RBMS1: variants seen among roughly 807,000 people sequenced by gnomAD.
RBMS1 encodes RNA binding motif single stranded interacting protein 1.
In RBMS1, 17 loss-of-function variants were observed where a neutral mutation model predicts 62.3. The observed-to-expected ratio is 0.27, with a 90% CI of 0.19 to 0.41. RBMS1 has a LOEUF of 0.41. Among genes scored for constraint, RBMS1 ranks in the 10% least tolerant of loss-of-function variants. The pLI, the probability that RBMS1 is intolerant of heterozygous loss-of-function variation, is 1.00. For synonymous variants in RBMS1, 172 were observed against 170.0 expected (o/e 1.01, Z -0.09); for missense variants, 334 against 504.5 (o/e 0.66, Z 3.24).
chr2:160,320,480 A>T (rs556484356), intron 2 of RBMS1, among the ~76,000 whole-genome samples: 1 of 152,248 alleles, frequency 6.6e-6, no homozygotes, highest in African/African-American at 2.4e-5. Flanking sequence ...CTCAAAACAA[A>T]ACAAAAACTC....
intron 2 of RBMS1, among the ~76,000 whole-genome samples, chr2:160,346,407 G>C (rs2106000325): frequency 6.6e-6 from 1 of 152,140 alleles, no homozygotes; most frequent in South Asian, 2.1e-4. Context: ...TTTCTAAGGA[G>C]GGATTTTGTT....
intron 1 of RBMS1, chr2:160,407,356 G>T: frequency 1.0e-6 from 1 of 985,592 alleles, no homozygotes; most frequent in Non-Finnish European, 1.2e-6. Flanking sequence ...GGGAAACAAG[G>T]TCACCGCCCA....
chr2:160,436,055 C>A (rs1324808522), intron 1 of RBMS1, among the ~76,000 whole-genome samples: 1 of 152,176 alleles, frequency 6.6e-6, no homozygotes, highest in African/African-American at 2.4e-5. Flanking sequence ...AGTTTAACTG[C>A]TACAATGGTC....
chr2:160,370,904 AAC>A (rs1196217327), intron 1 of RBMS1, among the ~76,000 whole-genome samples: 6 of 152,354 alleles, frequency 3.9e-5, no homozygotes, highest in Non-Finnish European at 4.4e-5. Context: ...TGACTTAATT[AAC>A]ACACAGTCTG....
At chr2:160,338,309 T>C (rs1481141023) in intron 2 of RBMS1, among the ~76,000 whole-genome samples, 4 of 152,204 alleles carry the variant, frequency 2.6e-5, no homozygotes, top group Non-Finnish European at 5.9e-5. Flanking sequence ...CAAATCTTTA[T>C]AAAATATGTA....
chr2:160,392,633 G>A (rs1255282377), intron 1 of RBMS1, among the ~76,000 whole-genome samples: 1 of 152,064 alleles, frequency 6.6e-6, no homozygotes, highest in African/African-American at 2.4e-5. Context: ...AAGAGGAAGG[G>A]CATTCTAGCA....
rs116786499 is a variant in RBMS1 at position 160,366,441 on chromosome 2, G to A, written c.251+775C>T. ...TTGTCTTAGGATAAATAAAAAGTAC[G>A]CTTATATGTGTAGGCTTTTCTAGCT... On this transcript the variant is annotated intron_variant, in intron 2 of 13. Transcript: ENST00000348849. 2.5e-3 allele frequency among the ~76,000 whole-genome samples: 385 copies of A among 152,226 alleles called. 1 individual carries two copies. Among genetic ancestry groups the A allele is most frequent in the Admixed American group, 4.1e-3 (62 of 15,294 alleles).
chr2:160,385,468 G>A lies in RBMS1; in HGVS notation c.76-18077C>T, dbSNP rs113636700. The stretch of plus-strand genomic sequence containing the variant: ...AAGTAACAGGCAGGTGAAGCTGGGA[G>A]AGCCACTTCCCCAGAAGAGGTCCCT... On this transcript the variant is annotated intron_variant, in intron 1 of 13. Coordinates refer to ENST00000348849, the MANE Select transcript of RBMS1 (RefSeq NM_016836.4). Among the ~76,000 whole-genome samples, 770 of 152,318 alleles carry A rather than the reference G, an allele frequency of 5.1e-3. 6 individuals carry two copies. The highest frequency in any genetic ancestry group is 0.018 in the African/African-American group (728 of 41,558).
At chr2:160,327,822 TCAAA>T (rs1287405627) in intron 2 of RBMS1, among the ~76,000 whole-genome samples, 1 of 152,166 alleles carries the variant, frequency 6.6e-6, no homozygotes, top group African/African-American at 2.4e-5. Flanking sequence ...CCTAAATGTC[TCAAA>T]CACTGATGAA....
At chr2:160,485,987 G>A (rs1685585672) in intron 1 of RBMS1, among the ~76,000 whole-genome samples, 1 of 152,068 alleles carries the variant, frequency 6.6e-6, no homozygotes, top group African/African-American at 2.4e-5. Flanking sequence ...TTGTTGTTGA[G>A]AAGACAAAGG....
At chr2:160,311,234 A>ATATATCTATATATCTATATATCTATATC (rs1553505434) in intron 4 of RBMS1, among the ~76,000 whole-genome samples, 4 of 107,448 alleles carry the variant, frequency 3.7e-5, no homozygotes, top group African/African-American at 1.3e-4. Context: ...CTATCTATCT[A>ATATATCTATATATCTATATATCTATATC]TATATATATA....
In RBMS1 at chr2:160,303,497, AAG is replaced by A. The variant is rs763408753; in HGVS notation, c.403-12_403-11del. The A allele has an allele frequency of 6.3e-7, 1 of 1,599,766 alleles. No individual in the cohort carries two copies. The highest frequency in any genetic ancestry group is 1.1e-5 in the South Asian group (1 of 88,326). ...GATCTTGTTCCTGTTGCTAAAACAG[AAG>A]AGAGTGTTGTCCATTAATTTCCAAC... On this transcript the variant is annotated splice_polypyrimidine_tract_variant and intron_variant, in intron 4 of 13. Transcript: ENST00000348849.
intron 2 of RBMS1, among the ~76,000 whole-genome samples, chr2:160,365,048 C>T (rs1157854008): frequency 6.6e-6 from 1 of 152,220 alleles, no homozygotes; most frequent in East Asian, 1.9e-4. Context: ...TGAGTCCCTT[C>T]CTCATAAGGT....
At chr2:160,462,666 T>C (rs1049377724) in intron 1 of RBMS1, among the ~76,000 whole-genome samples, 2 of 152,150 alleles carry the variant, frequency 1.3e-5, no homozygotes, top group African/African-American at 4.8e-5. Context: ...AGGAGTGCAA[T>C]AGCGCAATCT....
intron 13 of RBMS1, 181 bp downstream of exon 13, chr2:160,275,449 G>T: frequency 8.5e-7 from 1 of 1,173,282 alleles, no homozygotes; most frequent in Non-Finnish European, 1.1e-6. Flanking sequence ...TAGACAAAAT[G>T]ATTAATCTTA....
chr2:160,320,943 A>G (rs2105972500), intron 2 of RBMS1, among the ~76,000 whole-genome samples: 1 of 152,174 alleles, frequency 6.6e-6, no homozygotes, highest in Admixed American at 6.5e-5. Context: ...GGGGGACGGT[A>G]GGTATGACTC....
chr2:160,385,279 T>C (rs1694508255), intron 1 of RBMS1, among the ~76,000 whole-genome samples: 1 of 152,170 alleles, frequency 6.6e-6, no homozygotes, highest in African/African-American at 2.4e-5. Flanking sequence ...AGTTCTAACC[T>C]TAAAATCAGC....
At chr2:160,402,657 G>A (rs1695499491) in intron 1 of RBMS1, among the ~76,000 whole-genome samples, 1 of 152,170 alleles carries the variant, frequency 6.6e-6, no homozygotes, top group Non-Finnish European at 1.5e-5. Context: ...TGGGCCACAT[G>A]TCTTTGGGAG....
rs1475703437 is a variant in RBMS1 at position 160,411,417 on chromosome 2, G to A, written c.76-44026C>T. Among the ~76,000 whole-genome samples the A allele has an allele frequency of 4.6e-5, 7 of 152,180 alleles. No homozygotes were observed. The East Asian group carries it at 1.4e-3, about 29-fold the overall frequency. ...GCGGGCAGAGAGTAGAGCATGCCAG[G>A]AGTGGGTGAGCATTTGGCCATGAAA... On this transcript the variant is annotated intron_variant, in intron 1 of 13. Coordinates refer to ENST00000348849, the MANE Select transcript of RBMS1 (RefSeq NM_016836.4).
Sources: gnomAD v4.1 joint callset for allele counts (sites outside exome capture counted in the v4.1 genomes callset) on GRCh38, gnomAD v4.1.1 for gene constraint, MANE v1.5 for transcripts, NCBI Gene and HGNC (gene_info 2026-07-23, HGNC 2026-07-21) for gene names.